The following TRIM34 variants were observed in gnomAD, a reference collection of about 807,000 sequenced individuals.
TRIM34 encodes the protein E3 ubiquitin-protein ligase TRIM34.
In TRIM34, 41 loss-of-function variants were observed where a neutral mutation model predicts 38.1. That is an observed-to-expected ratio of 1.08 (90% confidence interval 0.84 to 1.40). TRIM34 has a LOEUF of 1.40. TRIM34 is among the 40% of genes most tolerant of loss of function. TRIM34 has a pLI of 0.00. For missense variants in TRIM34, 556 were observed against 571.4 expected (o/e 0.97, Z 0.27); for synonymous variants, 200 against 202.5 (o/e 0.99, Z 0.10).
chr11:5,623,336 C>G (rs778303027), upstream of TRIM34, among the ~76,000 whole-genome samples: 31 of 151,530 alleles, frequency 2.0e-4, no homozygotes, highest in Non-Finnish European at 3.2e-4. Flanking sequence ...GCGGTTCTTG[C>G]TATTATAATA....
chr11:5,630,039 G>A (rs1310954555), intron 1 of TRIM34, among the ~76,000 whole-genome samples: 2 of 152,072 alleles, frequency 1.3e-5, no homozygotes, highest in Admixed American at 6.5e-5. Flanking sequence ...ACAAGACCAT[G>A]TGACCATGTG....
chr11:5,632,973 C>G (rs1026337307), intron 2 of TRIM34, among the ~76,000 whole-genome samples: 14 of 147,754 alleles, frequency 9.5e-5, no homozygotes, highest in African/African-American at 3.2e-4. Flanking sequence ...ATTACAGGCG[C>G]CTGCCACCGC....
chr11:5,621,328 G>T (rs1431252687), upstream of TRIM34, among the ~76,000 whole-genome samples: 1 of 152,170 alleles, frequency 6.6e-6, no homozygotes, highest in Non-Finnish European at 1.5e-5. Flanking sequence ...TCCTGCACTG[G>T]TGTCTCTAGA....
intron 2 of TRIM34, 77 bp downstream of exon 2, chr11:5,632,831 TTTTTTTTTTTTTTGAGACAGAGTC>T: frequency 7.0e-7 from 1 of 1,430,544 alleles, no homozygotes; most frequent in Non-Finnish European, 9.1e-7. Context: ...CCTTTTTTTT[TTTTTTTTTTTTTTGAGACAGAGTC>T]TCACTCTGTC....
At position 5,643,525 on chromosome 11, in the gene TRIM34, T is replaced by C; in HGVS notation, c.1283T>C (p.Val428Ala). 1 of 1,614,214 alleles carries C rather than the reference T, an allele frequency of 6.2e-7. No individual in the cohort carries two copies. The highest frequency in any genetic ancestry group is 8.5e-7 in the Non-Finnish European group (1 of 1,180,030). ...DPEVLTLSMAVPPCRVGVFLD... is the reference protein window; with the variant it reads ...DPEVLTLSMAAPPCRVGVFLD... ...GAGGTTTTGACTCTCTCCATGGCTGTGCCTCCCTGCCGTGTTGGGGTTTTC... is the reference window on the plus strand; with the variant it reads ...GAGGTTTTGACTCTCTCCATGGCTGCGCCTCCCTGCCGTGTTGGGGTTTTC... Residue 428 changes from valine (V) to alanine (A), a missense_variant, in exon 8 of 8, where the codon GTG becomes GCG. Coordinates refer to ENST00000429814, the MANE Select transcript of TRIM34 (RefSeq NM_021616.6).
chr11:5,634,326 G>C (rs1227286619), intron 3 of TRIM34, among the ~76,000 whole-genome samples: 1 of 151,842 alleles, frequency 6.6e-6, no homozygotes, highest in East Asian at 1.9e-4. Flanking sequence ...GCCTAGATAA[G>C]ACAGTTTGAG....
chr11:5,627,148 C>T (rs750897007), intron 1 of TRIM34, among the ~76,000 whole-genome samples: 19 of 151,954 alleles, frequency 1.3e-4, no homozygotes, highest in African/African-American at 3.1e-4. Flanking sequence ...GAGGCCAAGG[C>T]GGGTGGATCA....
chr11:5,641,433 G>A, intron 5 of TRIM34: 1 of 1,008,870 alleles, frequency 9.9e-7, no homozygotes, highest in Non-Finnish European at 1.3e-6. Context: ...GGATATTAAG[G>A]ATGAGAGCTT....
chr11:5,642,589 T>C, intron 6 of TRIM34, 83 bp downstream of exon 6: 1 of 1,520,230 alleles, frequency 6.6e-7, no homozygotes. Context: ...TAACTTAAAA[T>C]TGAGGACAGA....
intron 4 of TRIM34, 27 bp from the exon 5 acceptor site, chr11:5,641,140 G>T: frequency 6.2e-7 from 1 of 1,609,234 alleles, no homozygotes; most frequent in South Asian, 1.1e-5. Flanking sequence ...TATACACTTT[G>T]ACTCATGTTT....
rs533536861 is a variant in TRIM34 at position 5,637,210 on chromosome 11, C to G, written c.750+2349C>G. Among the ~76,000 whole-genome samples the G allele has an allele frequency of 2.6e-5, 4 of 152,240 alleles. No homozygotes were observed. The East Asian group carries it at 7.7e-4, about 29-fold the overall frequency. ...ATGTGCTGTTGTATTTGTGGTATGT[C>G]TCCTCCACAATCCCATCTCCTGAGA... On this transcript the variant is annotated intron_variant, in intron 4 of 7. Transcript: ENST00000429814.
chr11:5,635,959 C>T (rs1849716599), intron 4 of TRIM34, among the ~76,000 whole-genome samples: 1 of 152,192 alleles, frequency 6.6e-6, no homozygotes, highest in Non-Finnish European at 1.5e-5. Flanking sequence ...AGTAAAGCTA[C>T]TTAGGAAAAA....
chr11:5,638,637 T>G (rs1849848793), intron 4 of TRIM34, among the ~76,000 whole-genome samples: 1 of 152,246 alleles, frequency 6.6e-6, no homozygotes, highest in Admixed American at 6.5e-5. Flanking sequence ...GGACAGGGAC[T>G]GAGTGAATAT....
chr11:5,620,526 G>A (rs55931953), upstream of TRIM34, among the ~76,000 whole-genome samples: 43,722 of 151,990 alleles, frequency 0.29, 6,352 homozygotes, highest in East Asian at 0.3. Context: ...TGTGAGGGTT[G>A]CAGTAATGAG....
Position 5,644,257 on chromosome 11 carries a change from TTC to T in TRIM34, c.*550_*551del. ...TAATCATGATGAATACTTTCTCAGTTTCTTTTTCCTGAAATATAAATTGGGAT... is the reference window on the plus strand; with the variant it reads ...TAATCATGATGAATACTTTCTCAGTTTTTTTCCTGAAATATAAATTGGGAT... On this transcript the variant is annotated 3_prime_UTR_variant, in exon 8 of 8. Transcript: ENST00000429814. 2.5e-6 allele frequency: 1 copy of T among 398,830 alleles called. No individual in the cohort carries two copies. The highest frequency in any genetic ancestry group is 4.4e-6 in the Non-Finnish European group (1 of 226,248). 24.7% of individuals were successfully genotyped at this position (398,830 alleles called of 1,614,324 possible).
At chr11:5,636,974 G>A (rs10769145) in intron 4 of TRIM34, among the ~76,000 whole-genome samples, 44,012 of 151,936 alleles carry the variant, frequency 0.29, 7,199 homozygotes, top group East Asian at 0.62. Flanking sequence ...GTGAAACCCC[G>A]TCTCTACTAA....
chr11:5,629,312 G>A (rs1849379977), intron 1 of TRIM34, among the ~76,000 whole-genome samples: 1 of 151,994 alleles, frequency 6.6e-6, no homozygotes, highest in African/African-American at 2.4e-5. Flanking sequence ...TTGAATTTAG[G>A]GCCTGTCTTT....
At chr11:5,623,876 G>T (rs768007596), upstream of TRIM34, among the ~76,000 whole-genome samples, 32 of 152,186 alleles carry the variant, frequency 2.1e-4, no homozygotes, top group Non-Finnish European at 3.8e-4. Flanking sequence ...GGGCAAAAAT[G>T]AAAATTGTAC....
chr11:5,622,282 A>G (rs1849015136), upstream of TRIM34, among the ~76,000 whole-genome samples: 2 of 152,048 alleles, frequency 1.3e-5, no homozygotes, highest in African/African-American at 4.8e-5. Flanking sequence ...TGCCTCTATT[A>G]AAAATACAAA....
Sources: gnomAD v4.1 joint callset for allele counts (sites outside exome capture counted in the v4.1 genomes callset) on GRCh38, gnomAD v4.1.1 for gene constraint, MANE v1.5 for transcripts, NCBI Gene and HGNC (gene_info 2026-07-23, HGNC 2026-07-21) for gene names.